Variants in SKAP2 observed in about 807,000 individuals in gnomAD.
SKAP2 encodes the protein src kinase associated phosphoprotein 2.
SKAP2 carries 28 observed loss-of-function variants against 54.9 expected under a neutral mutation model. The ratio of observed to expected loss-of-function variants is 0.51; its 90% CI spans 0.38 to 0.70. The LOEUF (loss-of-function observed/expected upper bound fraction) is 0.70. SKAP2 is among the 30% of genes least tolerant of loss of function. The pLI, the probability that SKAP2 is intolerant of heterozygous loss-of-function variation, is 0.00. For synonymous variants in SKAP2, 137 were observed against 134.3 expected, an observed-to-expected ratio of 1.02 and a Z score of -0.14; for missense variants, 356 against 424.1, an observed-to-expected ratio of 0.84 and a Z score of 1.41.
intron 4 of SKAP2, among the ~76,000 whole-genome samples, chr7:26,766,703 T>C (rs575555847): frequency 2.6e-5 from 4 of 152,286 alleles, no homozygotes; most frequent in African/African-American, 9.6e-5. Flanking sequence ...ATTGAAGGCC[T>C]TTTCTGCATC....
intron 11 of SKAP2, among the ~76,000 whole-genome samples, chr7:26,670,407 G>A (rs756637290): frequency 2.0e-5 from 3 of 151,934 alleles, no homozygotes; most frequent in Non-Finnish European, 2.9e-5. Context: ...TTATTATTGG[G>A]CACAGAACAC....
chr7:26,833,120 G>A (rs948170568), intron 4 of SKAP2, among the ~76,000 whole-genome samples: 3 of 151,982 alleles, frequency 2.0e-5, no homozygotes, highest in African/African-American at 7.3e-5. Context: ...GTATGCAGAG[G>A]GTCAAAAATC....
At chr7:26,717,162 G>A (rs1219145195) in intron 9 of SKAP2, among the ~76,000 whole-genome samples, 2 of 152,126 alleles carry the variant, frequency 1.3e-5, no homozygotes, top group Non-Finnish European at 2.9e-5. Flanking sequence ...GCAGCAAGGC[G>A]TAGAGCCAGA....
intron 9 of SKAP2, among the ~76,000 whole-genome samples, chr7:26,693,064 G>A (rs1199852345): frequency 1.7e-4 from 26 of 151,962 alleles, no homozygotes; most frequent in Non-Finnish European, 1.0e-4. Flanking sequence ...GGGCATGGTC[G>A]GTCACGCCTG....
chr7:26,804,165 C>T (rs184691624), intron 4 of SKAP2, among the ~76,000 whole-genome samples: 1 of 152,154 alleles, frequency 6.6e-6, no homozygotes, highest in Non-Finnish European at 1.5e-5. Flanking sequence ...GGATGGATGG[C>T]CCATGCTCCA....
chr7:26,664,000 T>A (rs1786063871), downstream of SKAP2, among the ~76,000 whole-genome samples: 1 of 152,212 alleles, frequency 6.6e-6, no homozygotes, highest in Non-Finnish European at 1.5e-5. Flanking sequence ...GGATGATTCT[T>A]TTCACATGCT....
Position 26,864,572 on chromosome 7 carries a change from G to A in SKAP2, c.-143C>T, listed in dbSNP as rs867336716. The stretch of plus-strand genomic sequence containing the variant: ...ACGAGTCGGGACACTGCCGGGCCGG[G>A]GCTCACAACAAGGAAGTCACTGAAT... On this transcript the variant is annotated 5_prime_UTR_variant, in exon 1 of 13. Coordinates refer to ENST00000345317, the MANE Select transcript of SKAP2 (RefSeq NM_003930.5). 2.8e-6 allele frequency: 4 copies of A among 1,421,812 alleles called. No individual in the cohort carries two copies. The highest frequency in any genetic ancestry group is 2.8e-6 in the Non-Finnish European group (3 of 1,088,714). The allele number at this position is 1,421,812 out of a possible 1,614,324, so 88.1% of individuals were successfully genotyped here.
intron 9 of SKAP2, among the ~76,000 whole-genome samples, chr7:26,714,036 G>A (rs944797745): frequency 6.6e-6 from 1 of 152,236 alleles, no homozygotes; most frequent in Non-Finnish European, 1.5e-5. Context: ...CAAGACTGAT[G>A]ATTAGGAGAG....
Position 26,674,040 on chromosome 7 carries a change from T to C in SKAP2, c.988-3848A>G, listed in dbSNP as rs1026810927. ...ATGTTAATCCGCTTTCTGCGAATGA[T>C]ATGGTAAAAGAATGCTGACTTAACA... On this transcript the variant is annotated intron_variant, in intron 11 of 12. Transcript: ENST00000345317. Among the ~76,000 whole-genome samples the C allele has an allele frequency of 2.6e-5, 4 of 152,156 alleles. 1 individual carries two copies. The South Asian group carries it at 8.3e-4, about 31-fold the overall frequency.
chr7:26,739,021 A>T lies in SKAP2; in HGVS notation c.386-143T>A, dbSNP rs192164296. 8.0e-4 allele frequency: 512 copies of T among 638,644 alleles called. 1 individual carries two copies. Among genetic ancestry groups the T allele is most frequent in the Admixed American group, 2.0e-3 (77 of 38,734 alleles). 39.6% of individuals were successfully genotyped at this position (638,644 alleles called of 1,614,324 possible). On this transcript the variant is annotated intron_variant, in intron 5 of 12. Transcript: ENST00000345317. Reference sequence around the variant, plus strand: ...TTTCCAAGAGACAAAAAACCAAACAACAACAAACCAACACAGCTAAAGGGA... The same window carrying T: ...TTTCCAAGAGACAAAAAACCAAACATCAACAAACCAACACAGCTAAAGGGA...
At chr7:26,835,836 A>G (rs1419194117) in intron 4 of SKAP2, among the ~76,000 whole-genome samples, 3 of 152,222 alleles carry the variant, frequency 2.0e-5, no homozygotes, top group African/African-American at 7.2e-5. Flanking sequence ...AATTAGAAAA[A>G]ACTACTTTAA....
At chr7:26,777,914 C>G (rs1339665760) in intron 4 of SKAP2, among the ~76,000 whole-genome samples, 1 of 151,738 alleles carries the variant, frequency 6.6e-6, no homozygotes, top group Admixed American at 6.6e-5. Context: ...TTTAACAACT[C>G]AACACCTATA....
At chr7:26,840,285 T>C (rs551178371) in intron 4 of SKAP2, among the ~76,000 whole-genome samples, 4 of 152,242 alleles carry the variant, frequency 2.6e-5, no homozygotes, top group African/African-American at 7.2e-5. Flanking sequence ...ATCAGATTTG[T>C]AACATACATC....
At chr7:26,852,065 C>T (rs1428198353) in intron 3 of SKAP2, among the ~76,000 whole-genome samples, 1 of 151,998 alleles carries the variant, frequency 6.6e-6, no homozygotes, top group African/African-American at 2.4e-5. Flanking sequence ...TGTGACCCTA[C>T]ATTGACTAGA....
chr7:26,709,487 G>T (rs1336237599), intron 9 of SKAP2, among the ~76,000 whole-genome samples: 1 of 152,100 alleles, frequency 6.6e-6, no homozygotes, highest in Non-Finnish European at 1.5e-5. Flanking sequence ...ATTCCTCTCT[G>T]CCCACTGAAT....
chr7:26,814,875 T>C (rs1162375628), intron 4 of SKAP2, among the ~76,000 whole-genome samples: 1 of 152,190 alleles, frequency 6.6e-6, no homozygotes, highest in African/African-American at 2.4e-5. Context: ...TATTTATTTT[T>C]GTTTATGATC....
At chr7:26,828,633 A>G (rs1359973950) in intron 4 of SKAP2, among the ~76,000 whole-genome samples, 1 of 150,008 alleles carries the variant, frequency 6.7e-6, no homozygotes, top group Admixed American at 6.7e-5. Flanking sequence ...GCCAAGATTG[A>G]GCCACTGCAC....
intron 1 of SKAP2, chr7:26,857,666 C>G: frequency 1.0e-6 from 1 of 985,426 alleles, no homozygotes; most frequent in Non-Finnish European, 1.2e-6. Flanking sequence ...GGGTTCCTCT[C>G]AGGCGGAGCA....
At chr7:26,824,484 A>C (rs1784447783) in intron 4 of SKAP2, among the ~76,000 whole-genome samples, 3 of 152,238 alleles carry the variant, frequency 2.0e-5, no homozygotes, top group African/African-American at 4.8e-5. Context: ...TTCAAAAGTC[A>C]AATACTGGTT....
Sources: gnomAD v4.1 joint callset for allele counts (sites outside exome capture counted in the v4.1 genomes callset) on GRCh38, gnomAD v4.1.1 for gene constraint, MANE v1.5 for transcripts, NCBI Gene and HGNC (gene_info 2026-07-23, HGNC 2026-07-21) for gene names.